OSBP2: variants seen among roughly 807,000 people sequenced by gnomAD.
The protein encoded by OSBP2 is oxysterol binding protein 2, also known as oxysterol-binding protein 2.
Under a neutral mutation model 96.0 loss-of-function variants are expected in OSBP2, and 66 were observed. The ratio of observed to expected loss-of-function variants is 0.69; its 90% CI spans 0.56 to 0.84. The LOEUF is 0.84. Ranked by LOEUF, OSBP2 falls within the 40% of genes least tolerant of loss-of-function variation. The pLI, the probability that OSBP2 is intolerant of heterozygous loss-of-function variation, is 0.00. For missense variants in OSBP2, 1,038 were observed against 1,222.7 expected, an observed-to-expected ratio of 0.85 and a Z score of 2.25; for synonymous variants, 525 against 520.9, an observed-to-expected ratio of 1.01 and a Z score of -0.11.
chr22:30,877,999 G>C (rs1356107177), intron 3 of OSBP2, among the ~76,000 whole-genome samples: 1 of 152,248 alleles, frequency 6.6e-6, no homozygotes, highest in African/African-American at 2.4e-5. Context: ...TTAGGGGAAA[G>C]AGCCAGTGAG....
chr22:30,864,698 G>A (rs2039293654), intron 2 of OSBP2, among the ~76,000 whole-genome samples: 1 of 152,054 alleles, frequency 6.6e-6, no homozygotes, highest in African/African-American at 2.4e-5. Flanking sequence ...TCCCCTGCCA[G>A]GCCCATCTTA....
intron 2 of OSBP2, among the ~76,000 whole-genome samples, chr22:30,780,733 G>A (rs2090507351): frequency 6.6e-6 from 1 of 152,142 alleles, no homozygotes. Context: ...CCTGACCTCA[G>A]GTGATCCGCT....
At chr22:30,698,334 T>C (rs917885764) in intron 1 of OSBP2, among the ~76,000 whole-genome samples, 2 of 151,942 alleles carry the variant, frequency 1.3e-5, no homozygotes, top group Admixed American at 6.6e-5. Flanking sequence ...GCTGGTAGAG[T>C]CAAGCTTACC....
chr22:30,712,748 T>C (rs2089374138), intron 1 of OSBP2, among the ~76,000 whole-genome samples: 1 of 152,170 alleles, frequency 6.6e-6, no homozygotes, highest in Non-Finnish European at 1.5e-5. Flanking sequence ...TTTCTGTCCA[T>C]ATACAGGTTG....
At chr22:30,740,579 C>CA (rs2089925046) in intron 1 of OSBP2, among the ~76,000 whole-genome samples, 1 of 152,206 alleles carries the variant, frequency 6.6e-6, no homozygotes, top group Admixed American at 6.5e-5. Flanking sequence ...CAGGAATGAA[C>CA]AAAGACAGCT....
chr22:30,774,392 G>A (rs1273599046), intron 2 of OSBP2, among the ~76,000 whole-genome samples: 3 of 152,172 alleles, frequency 2.0e-5, no homozygotes, highest in Non-Finnish European at 4.4e-5. Context: ...GTGAGGTGAC[G>A]GTCATTGTGG....
chr22:30,772,060 G>A (rs2090353215), intron 2 of OSBP2, among the ~76,000 whole-genome samples: 4 of 152,318 alleles, frequency 2.6e-5, no homozygotes, highest in African/African-American at 2.4e-5. Flanking sequence ...TCAGACAGCC[G>A]CAAGCCAGAG....
chr22:30,888,801 A>G (rs566731262), intron 5 of OSBP2, among the ~76,000 whole-genome samples: 2 of 152,178 alleles, frequency 1.3e-5, no homozygotes, highest in African/African-American at 4.8e-5. Context: ...GTATACTTAC[A>G]CAAACCTAGC....
intron 12 of OSBP2, among the ~76,000 whole-genome samples, chr22:30,898,967 C>G (rs530035634): frequency 1.6e-4 from 25 of 151,600 alleles, no homozygotes; most frequent in Admixed American, 1.2e-3. Flanking sequence ...TAGAAAACTA[C>G]TGACAAGACT....
chr22:30,845,166 C>G (rs1405567165), intron 2 of OSBP2, among the ~76,000 whole-genome samples: 1 of 152,222 alleles, frequency 6.6e-6, no homozygotes, highest in African/African-American at 2.4e-5. Flanking sequence ...TGCAGTGACT[C>G]ACACCTGCAA....
At chr22:30,759,810 T>C (rs532029750) in intron 2 of OSBP2, among the ~76,000 whole-genome samples, 1 of 152,324 alleles carries the variant, frequency 6.6e-6, no homozygotes, top group South Asian at 2.1e-4. Flanking sequence ...CCACACAATC[T>C]CTTCCAGAAA....
chr22:30,729,868 C>T (rs940603644), intron 1 of OSBP2, among the ~76,000 whole-genome samples: 10 of 151,938 alleles, frequency 6.6e-5, no homozygotes, highest in African/African-American at 1.9e-4. Flanking sequence ...GCCAGGCTCT[C>T]GTGGACTTCA....
At chr22:30,852,242 CT>C (rs1305067996) in intron 2 of OSBP2, among the ~76,000 whole-genome samples, 1 of 152,120 alleles carries the variant, frequency 6.6e-6, no homozygotes, top group Non-Finnish European at 1.5e-5. Context: ...TGTATTATTT[CT>C]TCCTTAAACA....
chr22:30,698,841 A>G (rs1203840429), intron 1 of OSBP2, among the ~76,000 whole-genome samples: 2 of 152,158 alleles, frequency 1.3e-5, no homozygotes, highest in African/African-American at 4.8e-5. Flanking sequence ...CTCCTCCAGG[A>G]TAGCCACTAT....
intron 3 of OSBP2, among the ~76,000 whole-genome samples, chr22:30,880,765 G>A (rs968747421): frequency 2.0e-5 from 3 of 152,200 alleles, no homozygotes; most frequent in Non-Finnish European, 2.9e-5. Context: ...CAGCAAAAGC[G>A]ATTAGAGTTT....
At chr22:30,844,385 G>A (rs1188514200) in intron 2 of OSBP2, 3 of 152,356 alleles carry the variant, frequency 2.0e-5, no homozygotes, top group African/African-American at 7.2e-5. Context: ...ACCCTGTTGT[G>A]TAATGTAGCC....
At chr22:30,798,980 C>T (rs2090806403) in intron 2 of OSBP2, among the ~76,000 whole-genome samples, 1 of 150,038 alleles carries the variant, frequency 6.7e-6, no homozygotes, top group Non-Finnish European at 1.5e-5. Flanking sequence ...TGCCATTGCA[C>T]TCCAGCCTGG....
chr22:30,793,643 T>C (rs1250848258), intron 2 of OSBP2, among the ~76,000 whole-genome samples: 2 of 151,974 alleles, frequency 1.3e-5, no homozygotes, highest in African/African-American at 2.4e-5. Flanking sequence ...AAAAATTAAC[T>C]AGGCATGGTG....
intron 1 of OSBP2, among the ~76,000 whole-genome samples, chr22:30,705,196 G>T (rs1269361488): frequency 1.3e-5 from 2 of 152,170 alleles, no homozygotes; most frequent in African/African-American, 4.8e-5. Flanking sequence ...GTCTGATCTA[G>T]ACCTTGCCCA....
Sources: allele counts gnomAD v4.1 joint callset (sites outside exome capture counted in the v4.1 genomes callset), GRCh38; gene constraint gnomAD v4.1.1; transcripts MANE v1.5; gene names NCBI Gene and HGNC (gene_info 2026-07-23, HGNC 2026-07-21).